The following ROBO1 variants were observed in gnomAD, a reference collection of about 807,000 sequenced individuals.
The protein encoded by ROBO1 is roundabout homolog 1.
In ROBO1, 149 loss-of-function variants were observed where a neutral mutation model predicts 195.9. That is an observed-to-expected ratio of 0.76 (90% CI 0.67 to 0.87). The LOEUF is 0.87. Among genes scored for constraint, ROBO1 ranks in the 40% least tolerant of loss-of-function variants. ROBO1 has a pLI of 0.00. For missense variants in ROBO1, 1,933 were observed against 2,068.3 expected (o/e 0.93, Z 1.27); for synonymous variants, 816 against 733.2 (o/e 1.11, Z -1.82).
At chr3:79,025,976 T>C (rs80033581) in intron 3 of ROBO1, among the ~76,000 whole-genome samples, 1,835 of 152,248 alleles carry the variant, frequency 0.012, 42 homozygotes, top group African/African-American at 0.041. Context: ...TTGATCACGA[T>C]TCTCTACCTT....
chr3:79,264,248 A>G (rs966732523), intron 2 of ROBO1, among the ~76,000 whole-genome samples: 8 of 152,016 alleles, frequency 5.3e-5, no homozygotes, highest in African/African-American at 1.4e-4. Flanking sequence ...TTCCCAGTAC[A>G]ATTCCTTTGC....
intron 3 of ROBO1, among the ~76,000 whole-genome samples, chr3:78,945,067 G>A (rs1422030868): frequency 6.6e-6 from 1 of 152,198 alleles, no homozygotes; most frequent in Non-Finnish European, 1.5e-5. Context: ...AGGCCTGCCT[G>A]CCCCTGTAGG....
At chr3:79,300,579 G>A (rs1022350219) in intron 2 of ROBO1, among the ~76,000 whole-genome samples, 2 of 152,118 alleles carry the variant, frequency 1.3e-5, no homozygotes, top group African/African-American at 4.8e-5. Context: ...CAGTCCCATC[G>A]ACCACCCAAG....
intron 4 of ROBO1, among the ~76,000 whole-genome samples, chr3:78,838,066 G>C (rs1391187143): frequency 6.6e-6 from 1 of 152,078 alleles, no homozygotes; most frequent in East Asian, 1.9e-4. Flanking sequence ...TAATAGTACT[G>C]AATATTTACA....
At chr3:79,046,403 G>A (rs971578264) in intron 3 of ROBO1, among the ~76,000 whole-genome samples, 8 of 152,074 alleles carry the variant, frequency 5.3e-5, no homozygotes, top group African/African-American at 9.7e-5. Flanking sequence ...AAGGCACCCA[G>A]CTAAGCTGTA....
chr3:78,960,779 A>AACACACAC (rs751349324), intron 3 of ROBO1, among the ~76,000 whole-genome samples: 36 of 124,594 alleles, frequency 2.9e-4, no homozygotes, highest in African/African-American at 7.8e-4. Flanking sequence ...TCCGTATTAA[A>AACACACAC]ACACACACAC....
chr3:79,298,335 C>T (rs1242663045), intron 2 of ROBO1, among the ~76,000 whole-genome samples: 2 of 148,884 alleles, frequency 1.3e-5, no homozygotes, highest in Non-Finnish European at 3.0e-5. Flanking sequence ...CTCTTTACTG[C>T]ATTTTTTTTT....
chr3:79,414,862 T>C (rs1487925874), intron 2 of ROBO1, among the ~76,000 whole-genome samples: 1 of 152,134 alleles, frequency 6.6e-6, no homozygotes, highest in Non-Finnish European at 1.5e-5. Flanking sequence ...AAATTATGAA[T>C]TGGTTCAAAG....
intron 3 of ROBO1, among the ~76,000 whole-genome samples, chr3:79,026,340 T>C (rs749685458): frequency 1.3e-5 from 2 of 152,106 alleles, no homozygotes; most frequent in Non-Finnish European, 2.9e-5. Flanking sequence ...AAGTTGTTGA[T>C]GAAAGTAATA....
intron 4 of ROBO1, among the ~76,000 whole-genome samples, chr3:78,758,819 T>C (rs573315937): frequency 1.3e-5 from 2 of 152,280 alleles, no homozygotes; most frequent in South Asian, 4.1e-4. Flanking sequence ...GAGTTTACTA[T>C]ATACAAAACA....
At chr3:79,271,749 G>T (rs1433278655) in intron 2 of ROBO1, among the ~76,000 whole-genome samples, 7 of 151,766 alleles carry the variant, frequency 4.6e-5, no homozygotes, top group African/African-American at 1.5e-4. Flanking sequence ...TTCATCTAAG[G>T]TTTATATAAG....
chr3:79,749,723 C>G (rs1215183973), intron 1 of ROBO1, among the ~76,000 whole-genome samples: 2 of 152,204 alleles, frequency 1.3e-5, no homozygotes, highest in East Asian at 1.9e-4. Context: ...GTTGAACCTA[C>G]AAGTGCACAG....
intron 4 of ROBO1, among the ~76,000 whole-genome samples, chr3:78,912,633 T>C (rs1576387775): frequency 6.6e-6 from 1 of 152,154 alleles, no homozygotes; most frequent in Non-Finnish European, 1.5e-5. Context: ...GCACAAGCTA[T>C]AGTATTTGTG....
At chr3:78,891,740 T>C (rs77590858) in intron 4 of ROBO1, among the ~76,000 whole-genome samples, 2 of 152,194 alleles carry the variant, frequency 1.3e-5, no homozygotes, top group Admixed American at 6.5e-5. Flanking sequence ...TTCATACACA[T>C]AGAATTCCAC....
At chr3:79,022,287 C>T (rs2078118732) in intron 3 of ROBO1, among the ~76,000 whole-genome samples, 1 of 152,264 alleles carries the variant, frequency 6.6e-6, no homozygotes, top group Admixed American at 6.5e-5. Context: ...GTAAAGTGTG[C>T]TATAGGGACA....
chr3:78,764,614 A>C (rs184366184), intron 4 of ROBO1, among the ~76,000 whole-genome samples: 1 of 152,278 alleles, frequency 6.6e-6, no homozygotes. Context: ...CTTAGAAGAG[A>C]ACTATCTTAA....
chr3:78,861,041 T>C (rs958813833), intron 4 of ROBO1, among the ~76,000 whole-genome samples: 2 of 152,198 alleles, frequency 1.3e-5, no homozygotes, highest in Non-Finnish European at 2.9e-5. Context: ...GTCTCAACTA[T>C]CATATTTATG....
At chr3:79,347,097 A>T (rs1210213200) in intron 2 of ROBO1, among the ~76,000 whole-genome samples, 1 of 152,192 alleles carries the variant, frequency 6.6e-6, no homozygotes. Flanking sequence ...ATAGGTGAAC[A>T]GACAGCATGA....
rs186017551 is a variant in ROBO1, at chr3:79,757,125, C to T, written c.-51+10627G>A. 2.6e-5 allele frequency among the ~76,000 whole-genome samples: 4 copies of T among 152,228 alleles called. No individual in the cohort carries two copies. The East Asian group carries it at 5.8e-4, about 22-fold the overall frequency. ...TGTGAATAAGGATGTACAAACATTG[C>T]TGTACAAATACTTTGTTTGAGTCTC... On this transcript the variant is annotated intron_variant, in intron 1 of 30. Coordinates refer to ENST00000464233, the MANE Select transcript of ROBO1 (RefSeq NM_002941.4).
Sources: gnomAD v4.1 joint callset for allele counts (sites outside exome capture counted in the v4.1 genomes callset) on GRCh38, gnomAD v4.1.1 for gene constraint, MANE v1.5 for transcripts, NCBI Gene and HGNC (gene_info 2026-07-23, HGNC 2026-07-21) for gene names.